The following ADCY8 variants were observed in gnomAD, a reference collection of about 807,000 sequenced individuals.
The protein encoded by ADCY8 is adenylate cyclase 8.
ADCY8 carries 51 observed loss-of-function variants against 119.7 expected under a neutral mutation model. The observed-to-expected ratio is 0.43, with a 90% CI of 0.34 to 0.54. The LOEUF is 0.54. Among genes scored for constraint, ADCY8 ranks in the 20% least tolerant of loss-of-function variants. The pLI, the probability that ADCY8 is intolerant of heterozygous loss-of-function variation, is 0.03. For synonymous variants in ADCY8, 665 were observed against 651.0 expected (o/e 1.02, Z -0.33); for missense variants, 1,383 against 1,598.8 (o/e 0.87, Z 2.30).
At chr8:130,889,504 T>C (rs1293399970) in intron 7 of ADCY8, among the ~76,000 whole-genome samples, 1 of 152,166 alleles carries the variant, frequency 6.6e-6, no homozygotes, top group Non-Finnish European at 1.5e-5. Context: ...CATGGAATGC[T>C]ATTTGGGAAA....
chr8:130,966,731 C>A (rs1440228557), intron 2 of ADCY8, among the ~76,000 whole-genome samples: 1 of 152,212 alleles, frequency 6.6e-6, no homozygotes, highest in Non-Finnish European at 1.5e-5. Flanking sequence ...TTGGGACAAC[C>A]TGCTGAACCC....
At chr8:131,028,692 G>C (rs1823899085) in intron 1 of ADCY8, among the ~76,000 whole-genome samples, 1 of 152,156 alleles carries the variant, frequency 6.6e-6, no homozygotes, top group Non-Finnish European at 1.5e-5. Context: ...TCCAGTTAGG[G>C]TACAATATGG....
At chr8:131,002,585 A>G (rs1822984889) in intron 1 of ADCY8, among the ~76,000 whole-genome samples, 1 of 152,216 alleles carries the variant, frequency 6.6e-6, no homozygotes, top group Non-Finnish European at 1.5e-5. Context: ...TTGGAGAAAG[A>G]ATTATAAATA....
intron 1 of ADCY8, among the ~76,000 whole-genome samples, chr8:131,000,312 T>G (rs1317249470): frequency 6.6e-6 from 1 of 152,162 alleles, no homozygotes; most frequent in East Asian, 1.9e-4. Context: ...AAATAAATAC[T>G]GGACAAGGCA....
At chr8:131,004,681 G>A (rs1260794838) in intron 1 of ADCY8, among the ~76,000 whole-genome samples, 2 of 152,190 alleles carry the variant, frequency 1.3e-5, no homozygotes, top group Non-Finnish European at 2.9e-5. Context: ...GTCAAGCAGT[G>A]TGCTAGGGTT....
Position 131,039,965 on chromosome 8 carries a change from G to C in ADCY8, c.369C>G (p.Gly123=), listed in dbSNP as rs1476508334. The change falls in exon 1 of 18, where the codon GGC becomes GGG. Residue 123 remains glycine (G), a synonymous_variant. Transcript: ENST00000286355. ...SGSGSASGSG[G]GGDLGFLHLD... ...GGTGCAGGAAGCCCAGGTCGCCCCCGCCTCCGCTGCCGCTGGCACTGCCGC... is the reference window on the plus strand; with the variant it reads ...GGTGCAGGAAGCCCAGGTCGCCCCCCCCTCCGCTGCCGCTGGCACTGCCGC... The C allele has an allele frequency of 2.5e-6, 4 of 1,584,374 alleles. No homozygotes were observed. Among genetic ancestry groups the C allele is most frequent in the Non-Finnish European group, 3.4e-6 (4 of 1,166,240 alleles).
At chr8:131,015,959 A>G (rs1026072254) in intron 1 of ADCY8, among the ~76,000 whole-genome samples, 17 of 152,194 alleles carry the variant, frequency 1.1e-4, no homozygotes, top group African/African-American at 3.9e-4. Context: ...ACAGTTATTG[A>G]TGGAAATCCA....
At chr8:131,004,642 A>C (rs1035967809) in intron 1 of ADCY8, among the ~76,000 whole-genome samples, 1 of 152,214 alleles carries the variant, frequency 6.6e-6, no homozygotes, top group African/African-American at 2.4e-5. Flanking sequence ...CTGTAGAGTA[A>C]TCAAATATTT....
intron 12 of ADCY8, among the ~76,000 whole-genome samples, chr8:130,829,926 CCATGCATGAA>C (rs1816778545): frequency 6.6e-6 from 1 of 152,202 alleles, no homozygotes; most frequent in Non-Finnish European, 1.5e-5. Flanking sequence ...GTAGACAGAA[CCATGCATGAA>C]CATGCCTTTC....
chr8:130,926,483 G>T (rs1820470685), intron 5 of ADCY8, among the ~76,000 whole-genome samples: 1 of 152,078 alleles, frequency 6.6e-6, no homozygotes, highest in African/African-American at 2.4e-5. Context: ...ACATTGACAG[G>T]TAAAATTGTA....
intron 2 of ADCY8, among the ~76,000 whole-genome samples, 200 bp from the exon 3 acceptor site, chr8:130,952,198 T>A (rs1821295584): frequency 6.6e-6 from 1 of 152,246 alleles, no homozygotes; most frequent in Non-Finnish European, 1.5e-5. Context: ...TATATAGTGG[T>A]GAACCAAATG....
intron 1 of ADCY8, among the ~76,000 whole-genome samples, chr8:131,029,793 G>T (rs908749030): frequency 2.1e-5 from 3 of 142,616 alleles, no homozygotes; most frequent in African/African-American, 7.9e-5. Flanking sequence ...CAGAGAGACT[G>T]ATTTCTCTTC....
chr8:131,005,630 GC>G (rs1823091991), intron 1 of ADCY8, among the ~76,000 whole-genome samples: 1 of 152,176 alleles, frequency 6.6e-6, no homozygotes, highest in African/African-American at 2.4e-5. Context: ...TTTGGGCTTT[GC>G]CATGGCTAGC....
intron 15 of ADCY8, among the ~76,000 whole-genome samples, chr8:130,791,755 C>T (rs1267699528): frequency 6.6e-6 from 1 of 152,190 alleles, no homozygotes; most frequent in Admixed American, 6.5e-5. Flanking sequence ...GAGGAACTCT[C>T]AGTGCTCCTA....
chr8:130,798,893 C>A (rs73342411), intron 15 of ADCY8, among the ~76,000 whole-genome samples: 6 of 152,050 alleles, frequency 3.9e-5, no homozygotes, highest in African/African-American at 4.8e-5. Flanking sequence ...CACGCATGCA[C>A]ACACACATGC....
chr8:130,832,347 G>A (rs1001672415), intron 12 of ADCY8, among the ~76,000 whole-genome samples: 2 of 152,202 alleles, frequency 1.3e-5, no homozygotes, highest in Admixed American at 1.3e-4. Context: ...CCAGGTTGTT[G>A]TGTCCAGGGT....
intron 9 of ADCY8, among the ~76,000 whole-genome samples, chr8:130,850,858 G>A (rs567628946): frequency 5.3e-5 from 8 of 152,058 alleles, no homozygotes; most frequent in African/African-American, 9.6e-5. Flanking sequence ...ATAATGTATC[G>A]AGATCTGATT....
chr8:130,846,888 T>TTCCCTTCCTTCCTTCC (rs56726941), intron 11 of ADCY8, among the ~76,000 whole-genome samples: 2 of 19,834 alleles, frequency 1.0e-4, no homozygotes, highest in Admixed American at 7.1e-4. Flanking sequence ...TTCCCTTCCC[T>TTCCCTTCCTTCCTTCC]TTCCTTCCTT....
intron 6 of ADCY8, among the ~76,000 whole-genome samples, chr8:130,906,576 C>A (rs1001315926): frequency 5.3e-5 from 8 of 152,042 alleles, no homozygotes; most frequent in African/African-American, 1.9e-4. Flanking sequence ...TTAGATGTTT[C>A]TTTTCATCCT....
Sources: gnomAD v4.1 joint callset for allele counts (sites outside exome capture counted in the v4.1 genomes callset) on GRCh38, gnomAD v4.1.1 for gene constraint, MANE v1.5 for transcripts, NCBI Gene and HGNC (gene_info 2026-07-23, HGNC 2026-07-21) for gene names.